ADAMTS17: variants seen among roughly 807,000 people sequenced by gnomAD.
ADAMTS17 encodes A disintegrin and metalloproteinase with thrombospondin motifs 17.
In ADAMTS17, 113 loss-of-function variants were observed where a neutral mutation model predicts 141.5. The observed-to-expected ratio is 0.80, with a 90% CI of 0.69 to 0.93. The LOEUF (loss-of-function observed/expected upper bound fraction) is 0.93, where lower values mean the gene tolerates loss of function less well. Among genes scored for constraint, ADAMTS17 ranks in the 40% least tolerant of loss-of-function variants. The probability of loss-of-function intolerance (pLI) is 0.00; values close to 1 mark genes in which losing one functional copy is unlikely to be tolerated. For missense variants in ADAMTS17, 1,659 were observed against 1,517.9 expected (o/e 1.09, Z -1.54); for synonymous variants, 768 against 630.6 (o/e 1.22, Z -3.27).
At chr15:100,084,778 G>T (rs558299138) in intron 15 of ADAMTS17, among the ~76,000 whole-genome samples, 1 of 152,292 alleles carries the variant, frequency 6.6e-6, no homozygotes, top group South Asian at 2.1e-4. Flanking sequence ...CTGTAGCTGA[G>T]GGTCCTCACT....
At chr15:100,112,815 T>G (rs35858708) in intron 13 of ADAMTS17, among the ~76,000 whole-genome samples, 1 of 151,596 alleles carries the variant, frequency 6.6e-6, no homozygotes, top group South Asian at 2.1e-4. Context: ...TGGCTGGAGG[T>G]GGTCACAGGC....
At chr15:100,326,360 T>G (rs1395670571) in intron 3 of ADAMTS17, among the ~76,000 whole-genome samples, 1 of 152,168 alleles carries the variant, frequency 6.6e-6, no homozygotes, top group African/African-American at 2.4e-5. Context: ...AAATCATATT[T>G]TATTTTATCC....
At chr15:100,292,061 C>T (rs941888518) in intron 3 of ADAMTS17, among the ~76,000 whole-genome samples, 19 of 144,802 alleles carry the variant, frequency 1.3e-4, no homozygotes, top group Non-Finnish European at 3.0e-5. Context: ...TGGGGAGTCA[C>T]GAGAGACGCT....
intron 15 of ADAMTS17, among the ~76,000 whole-genome samples, chr15:100,073,148 A>AGACACGTG (rs2034105472): frequency 6.6e-6 from 1 of 152,252 alleles, no homozygotes; most frequent in Non-Finnish European, 1.5e-5. Context: ...TGCAGCCAAC[A>AGACACGTG]GACACGTGAA....
chr15:100,058,397 G>C (rs554593625), intron 15 of ADAMTS17, among the ~76,000 whole-genome samples: 1 of 87,008 alleles, frequency 1.1e-5, no homozygotes, highest in Non-Finnish European at 2.4e-5. Flanking sequence ...CTCCTGAGGA[G>C]GTGACTCTTT....
intron 3 of ADAMTS17, among the ~76,000 whole-genome samples, chr15:100,282,876 G>A (rs66634558): frequency 0.22 from 33,695 of 152,046 alleles, 4,996 homozygotes; most frequent in African/African-American, 0.42. Context: ...AAATCTGCAT[G>A]TATAGTTAGA....
intron 3 of ADAMTS17, among the ~76,000 whole-genome samples, chr15:100,326,943 C>T (rs1222506029): frequency 1.3e-5 from 2 of 152,220 alleles, no homozygotes; most frequent in South Asian, 2.1e-4. Context: ...CAACCTCCTG[C>T]TTTACTCATC....
At chr15:100,038,596 G>A (rs2727142) in intron 18 of ADAMTS17, among the ~76,000 whole-genome samples, 7,030 of 152,108 alleles carry the variant, frequency 0.046, 335 homozygotes, top group African/African-American at 0.12. Flanking sequence ...TGTTATTATA[G>A]GTGGATTTTT....
chr15:100,226,577 T>C (rs764972129), intron 7 of ADAMTS17, among the ~76,000 whole-genome samples: 5 of 152,226 alleles, frequency 3.3e-5, no homozygotes, highest in Non-Finnish European at 5.9e-5. Flanking sequence ...AATGGGATTC[T>C]GGAGAAATCC....
chr15:100,330,091 A>G (rs2046004706), intron 3 of ADAMTS17, among the ~76,000 whole-genome samples: 1 of 152,234 alleles, frequency 6.6e-6, no homozygotes, highest in African/African-American at 2.4e-5. Flanking sequence ...GGACATTTGT[A>G]GCCCCATGAA....
intron 10 of ADAMTS17, among the ~76,000 whole-genome samples, chr15:100,134,730 T>C (rs1239635990): frequency 6.6e-6 from 1 of 152,190 alleles, no homozygotes. Flanking sequence ...AGGGAGCTTT[T>C]AAAGAGAGCT....
rs770999554 is a variant in ADAMTS17 at position 100,152,808 on chromosome 15, G to GT, written c.1323-47dup. The GT allele has an allele frequency of 9.1e-5, 145 of 1,595,018 alleles. 1 individual carries two copies. In the African/African-American group the frequency reaches 1.6e-3, roughly 18 times the overall value. On this transcript the variant is annotated intron_variant, in intron 9 of 21. Transcript: ENST00000268070. ...GTTGACTTGCAAATGTACTGCCTAG[G>GT]TTTTTTTGTTTTCTTTTTCTTTTTT...
chr15:99,999,367 G>T (rs370292027), intron 18 of ADAMTS17, among the ~76,000 whole-genome samples: 1 of 152,304 alleles, frequency 6.6e-6, no homozygotes, highest in African/African-American at 2.4e-5. Flanking sequence ...GTGGGTGGGG[G>T]TGTTATCTTA....
chr15:99,975,711 A>T (rs2060308252), intron 21 of ADAMTS17, among the ~76,000 whole-genome samples: 1 of 152,146 alleles, frequency 6.6e-6, no homozygotes, highest in African/African-American at 2.4e-5. Context: ...ATGCCCCTGG[A>T]GCTTTCATTT....
intron 6 of ADAMTS17, among the ~76,000 whole-genome samples, chr15:100,258,027 A>G (rs2043384988): frequency 6.6e-6 from 1 of 152,180 alleles, no homozygotes; most frequent in African/African-American, 2.4e-5. Context: ...AGGTTCATCC[A>G]TGTTGTAGCG....
At chr15:100,328,983 A>G (rs2045970400) in intron 3 of ADAMTS17, among the ~76,000 whole-genome samples, 1 of 152,168 alleles carries the variant, frequency 6.6e-6, no homozygotes, top group South Asian at 2.1e-4. Context: ...CTCAGGTTTA[A>G]CAGTCCTTAG....
In ADAMTS17 at chr15:100,337,529, G is replaced by A. The variant is rs542698551; in HGVS notation, c.450+3510C>T. 1.1e-4 allele frequency among the ~76,000 whole-genome samples: 16 copies of A among 152,306 alleles called. No individual in the cohort carries two copies. The East Asian group carries it at 2.3e-3, about 22-fold the overall frequency. On this transcript the variant is annotated intron_variant, in intron 2 of 21. Coordinates refer to ENST00000268070, the MANE Select transcript of ADAMTS17 (RefSeq NM_139057.4). Reference sequence around the variant, plus strand: ...AGTCCTTCAAGGTGACCTGGAACGCGGTTATGGCTTAATGTTTTGCAGCCC... The same window carrying A: ...AGTCCTTCAAGGTGACCTGGAACGCAGTTATGGCTTAATGTTTTGCAGCCC...
At position 100,084,094 on chromosome 15, in the gene ADAMTS17, C is replaced by G. The variant is rs1159347775; in HGVS notation, c.2137+12262G>C. Among the ~76,000 whole-genome samples, 4 of 152,240 alleles carry G rather than the reference C, an allele frequency of 2.6e-5. No homozygotes were observed. In the East Asian group the frequency reaches 7.7e-4, roughly 29 times the overall value. ...GGGTCAGGGAATTCCCCTTCCTAGT[C>G]AAAGAAAGGGGTGACAGACGGCACC... On this transcript the variant is annotated intron_variant, in intron 15 of 21. Transcript: ENST00000268070.
intron 8 of ADAMTS17, among the ~76,000 whole-genome samples, chr15:100,180,859 T>A (rs952537060): frequency 2.6e-5 from 4 of 152,178 alleles, no homozygotes; most frequent in African/African-American, 9.7e-5. Context: ...GGTGCTACAA[T>A]CAGCAGGTGG....
Sources: gnomAD v4.1 joint callset for allele counts (sites outside exome capture counted in the v4.1 genomes callset) on GRCh38, gnomAD v4.1.1 for gene constraint, MANE v1.5 for transcripts, NCBI Gene and HGNC (gene_info 2026-07-23, HGNC 2026-07-21) for gene names.